Variants in ZNF618 observed in about 807,000 individuals in gnomAD.
The protein encoded by ZNF618 is zinc finger protein 618.
A neutral mutation model predicts 103.0 loss-of-function variants in ZNF618; 34 were observed. The observed-to-expected ratio is 0.33, with a 90% CI of 0.25 to 0.44. ZNF618 has a LOEUF of 0.44. Ranked by LOEUF, ZNF618 falls within the 20% of genes least tolerant of loss-of-function variation. ZNF618 has a pLI of 1.00. For missense variants in ZNF618, 1,059 were observed against 1,295.4 expected (o/e 0.82, Z 2.80); for synonymous variants, 551 against 542.2 (o/e 1.02, Z -0.23).
At chr9:113,883,464 G>C (rs188401043) in intron 1 of ZNF618, among the ~76,000 whole-genome samples, 4 of 152,298 alleles carry the variant, frequency 2.6e-5, no homozygotes, top group African/African-American at 9.6e-5. Flanking sequence ...TCTTAGCCAG[G>C]TGTCCTGGAA....
intron 2 of ZNF618, among the ~76,000 whole-genome samples, chr9:113,979,200 G>A (rs776275702): frequency 7.2e-5 from 11 of 152,140 alleles, no homozygotes; most frequent in Admixed American, 1.3e-4. Context: ...AAAGAGGAGC[G>A]TTTCCAGAAC....
intron 13 of ZNF618, among the ~76,000 whole-genome samples, chr9:114,044,604 C>T (rs544955688): frequency 3.3e-5 from 5 of 151,968 alleles, no homozygotes; most frequent in South Asian, 2.1e-4. Context: ...TGATGGGAAT[C>T]GCATTGAATT....
At chr9:113,877,526 T>G (rs1366481696) in intron 1 of ZNF618, among the ~76,000 whole-genome samples, 1 of 145,614 alleles carries the variant, frequency 6.9e-6, no homozygotes, top group Non-Finnish European at 1.5e-5. Flanking sequence ...AAAATTGTAG[T>G]TTTTTTTTTT....
In ZNF618 at chr9:114,020,170, C is replaced by T. The variant is rs376012684; in HGVS notation, c.844+3386C>T. On this transcript the variant is annotated intron_variant, in intron 10 of 14. Transcript: ENST00000374126. ...TGAATGTGTAAGTATTTTTCTCTTC[C>T]GTTGGCCTGTTTGTTTATCTTTATG... Among the ~76,000 whole-genome samples, 6 of 152,210 alleles carry T rather than the reference C, an allele frequency of 3.9e-5. No homozygotes were observed. In the South Asian group the frequency reaches 6.2e-4, roughly 16 times the overall value.
intron 3 of ZNF618, among the ~76,000 whole-genome samples, chr9:113,993,577 G>T (rs1840281833): frequency 6.6e-6 from 1 of 152,206 alleles, no homozygotes; most frequent in African/African-American, 2.4e-5. Flanking sequence ...TTCCTATGCT[G>T]TGAAACCACT....
intron 10 of ZNF618, among the ~76,000 whole-genome samples, chr9:114,026,094 T>C (rs1371131011): frequency 6.6e-6 from 1 of 152,158 alleles, no homozygotes; most frequent in African/African-American, 2.4e-5. Flanking sequence ...ATGGGGAGTT[T>C]TGGGGGAGGC....
At chr9:114,013,323 T>C (rs926991516) in intron 9 of ZNF618, among the ~76,000 whole-genome samples, 1 of 152,190 alleles carries the variant, frequency 6.6e-6, no homozygotes, top group African/African-American at 2.4e-5. Flanking sequence ...GAACTGTGAG[T>C]AGTAAAACAA....
chr9:114,021,523 T>C (rs1843062394), intron 10 of ZNF618, among the ~76,000 whole-genome samples: 1 of 152,140 alleles, frequency 6.6e-6, no homozygotes, highest in Non-Finnish European at 1.5e-5. Context: ...GGTGTGTTAA[T>C]GAAGGTCATA....
intron 13 of ZNF618, among the ~76,000 whole-genome samples, chr9:114,041,678 A>G (rs1483063938): frequency 6.6e-6 from 1 of 152,018 alleles, no homozygotes; most frequent in Non-Finnish European, 1.5e-5. Flanking sequence ...GTTCTGTTCC[A>G]TTGGTCTATA....
chr9:113,995,800 G>A (rs543731568), intron 3 of ZNF618, among the ~76,000 whole-genome samples: 1 of 152,280 alleles, frequency 6.6e-6, no homozygotes, highest in South Asian at 2.1e-4. Context: ...CCCGACACCA[G>A]TATTGTAGGG....
Position 114,050,358 on chromosome 9 carries a change from A to G in ZNF618, c.*191A>G. ...TATGTACACAGCCACACGTGTGTGC[A>G]CGTGTCTGAACACGTGCTGTGGTTG... On this transcript the variant is annotated 3_prime_UTR_variant, in exon 15 of 15. Transcript: ENST00000374126. 1 of 599,102 alleles carries G rather than the reference A, an allele frequency of 1.7e-6. No homozygotes were observed. The highest frequency in any genetic ancestry group is 2.7e-6 in the Non-Finnish European group (1 of 367,638). 37.1% of individuals were successfully genotyped at this position (599,102 alleles called of 1,614,324 possible).
At chr9:113,880,389 C>T (rs1260067464) in intron 1 of ZNF618, among the ~76,000 whole-genome samples, 2 of 152,014 alleles carry the variant, frequency 1.3e-5, no homozygotes, top group African/African-American at 4.8e-5. Context: ...CACTTGGGAT[C>T]AGATCAAGGA....
At chr9:113,902,362 A>G (rs1010918967) in intron 1 of ZNF618, among the ~76,000 whole-genome samples, 4 of 152,094 alleles carry the variant, frequency 2.6e-5, no homozygotes, top group African/African-American at 9.7e-5. Flanking sequence ...TCCCTTTTAA[A>G]AGTCATGTGC....
chr9:113,983,590 C>CT (rs80254910), intron 2 of ZNF618, among the ~76,000 whole-genome samples: 5,323 of 152,194 alleles, frequency 0.035, 287 homozygotes, highest in East Asian at 0.26. Flanking sequence ...AGTGTGAACT[C>CT]TGATTTGTTT....
intron 1 of ZNF618, among the ~76,000 whole-genome samples, chr9:113,879,502 T>A (rs926273866): frequency 6.6e-6 from 1 of 151,492 alleles, no homozygotes; most frequent in Non-Finnish European, 1.5e-5. Flanking sequence ...CTTTTGTTTC[T>A]ATTGGTGTCT....
chr9:114,015,398 G>A (rs1042228862), intron 9 of ZNF618, among the ~76,000 whole-genome samples: 2 of 152,134 alleles, frequency 1.3e-5, no homozygotes, highest in Non-Finnish European at 2.9e-5. Flanking sequence ...AATTTCCTTA[G>A]AAATCAAAGA....
intron 10 of ZNF618, among the ~76,000 whole-genome samples, chr9:114,023,113 C>G (rs575184411): frequency 2.0e-4 from 30 of 152,016 alleles, no homozygotes; most frequent in Admixed American, 1.8e-3. Flanking sequence ...ATGTTTAATT[C>G]ATTTACATTT....
intron 2 of ZNF618, among the ~76,000 whole-genome samples, chr9:113,986,393 A>G (rs1246414244): frequency 6.6e-6 from 1 of 152,166 alleles, no homozygotes. Context: ...GCTGCTGTTA[A>G]CAGAATGCTG....
In ZNF618 at chr9:114,050,450, A is replaced by ACG. The variant is rs1237184074; in HGVS notation, c.*284_*285insGC. 7.1e-6 allele frequency: 2 copies of ACG among 280,462 alleles called. No individual in the cohort carries two copies. The highest frequency in any genetic ancestry group is 7.4e-5 in the East Asian group (1 of 13,560). The allele number at this position is 280,462 out of a possible 1,614,324, so 17.4% of individuals were successfully genotyped here. A position where few individuals can be genotyped will look rare whatever the true frequency, so the allele number is the denominator to read the frequency against. ...AGAAACTTTGCACACACGCACACAC[A>ACG]CACACACACACACACACACACACAC... On this transcript the variant is annotated 3_prime_UTR_variant, in exon 15 of 15. Coordinates refer to ENST00000374126, the MANE Select transcript of ZNF618 (RefSeq NM_001318042.2).
Sources: gnomAD v4.1 joint callset for allele counts (sites outside exome capture counted in the v4.1 genomes callset) on GRCh38, gnomAD v4.1.1 for gene constraint, MANE v1.5 for transcripts, NCBI Gene and HGNC (gene_info 2026-07-23, HGNC 2026-07-21) for gene names.